ABLIM1: variants seen among roughly 807,000 people sequenced by gnomAD.
ABLIM1 encodes the protein actin binding LIM protein 1, also known as actin-binding LIM protein 1.
Under a neutral mutation model 107.0 loss-of-function variants are expected in ABLIM1, and 40 were observed. The ratio of observed to expected loss-of-function variants is 0.37; its 90% CI spans 0.29 to 0.49. The LOEUF (loss-of-function observed/expected upper bound fraction) is 0.49, where lower values mean the gene tolerates loss of function less well. Ranked by LOEUF, ABLIM1 falls within the 20% of genes least tolerant of loss-of-function variation. The pLI is 0.97. For synonymous variants in ABLIM1, 357 were observed against 357.3 expected, an observed-to-expected ratio of 1.00 and a Z score of 0.01; for missense variants, 857 against 1,008.5, an observed-to-expected ratio of 0.85 and a Z score of 2.04.
At chr10:114,480,045 C>T (rs2078037262) in intron 8 of ABLIM1, among the ~76,000 whole-genome samples, 1 of 152,242 alleles carries the variant, frequency 6.6e-6, no homozygotes, top group Admixed American at 6.5e-5. Flanking sequence ...AACTTACTGA[C>T]ATGCTGTCCC....
rs2062094765 is a variant in ABLIM1, at chr10:114,512,849, AAGGAAAGAAGGAAG to A, written c.895-20985_895-20972del. The stretch of plus-strand genomic sequence containing the variant: ...GATAGAAGGAAGGAAGGAAGGAAGG[AAGGAAAGAAGGAAG>A]GAAGGAAGGAAGGAAGGAAGGAAGG... On this transcript the variant is annotated intron_variant, in intron 6 of 22. Transcript: ENST00000533213. Among the ~76,000 whole-genome samples the A allele has an allele frequency of 3.2e-4, 25 of 77,960 alleles. No individual in the cohort carries two copies. The South Asian group carries it at 6.3e-3, about 20-fold the overall frequency. 51.1% of individuals were successfully genotyped at this position (77,960 alleles called of 152,430 possible). A position where few individuals can be genotyped will look rare whatever the true frequency, so the allele number is the denominator to read the frequency against.
Position 114,475,532 on chromosome 10 carries a change from A to C in ABLIM1, c.1042-1576T>G, listed in dbSNP as rs1360730388. Among the ~76,000 whole-genome samples the C allele has an allele frequency of 2.0e-5, 3 of 152,234 alleles. No individual in the cohort carries two copies. In the East Asian group the frequency reaches 5.8e-4, roughly 29 times the overall value. ...TATACCCAATGCTTTCCACAGGTAC[A>C]CAGAAGGCACAAATCCTAGTTGAGG... is the stretch of plus-strand genomic sequence containing the variant. On this transcript the variant is annotated intron_variant, in intron 8 of 22. Coordinates refer to ENST00000533213, the MANE Select transcript of ABLIM1 (RefSeq NM_002313.7).
intron 11 of ABLIM1, among the ~76,000 whole-genome samples, chr10:114,467,712 A>G (rs1338697867): frequency 6.6e-6 from 1 of 152,250 alleles, no homozygotes; most frequent in African/African-American, 2.4e-5. Flanking sequence ...AAAGTAGTCC[A>G]GTTTCATAAT....
chr10:114,538,127 G>T (rs993456295), intron 6 of ABLIM1, among the ~76,000 whole-genome samples: 8 of 152,136 alleles, frequency 5.3e-5, no homozygotes, highest in East Asian at 1.9e-4. Context: ...GGGGACAAAG[G>T]CCTCCAATTT....
At chr10:114,792,876 G>T in the ABLIM1 span, among the ~76,000 whole-genome samples, 5 of 152,232 alleles carry the variant, frequency 3.3e-5, no homozygotes, top group African/African-American at 9.6e-5. Flanking sequence ...CCCCAGCTGG[G>T]TGCAGTGGCT....
At chr10:114,565,520 G>A (rs1466512193) in intron 4 of ABLIM1, among the ~76,000 whole-genome samples, 1 of 152,160 alleles carries the variant, frequency 6.6e-6, no homozygotes, top group East Asian at 1.9e-4. Flanking sequence ...GGAAGTGGAG[G>A]ATGGGGAAGT....
chr10:114,547,084 C>T (rs1158735221), intron 5 of ABLIM1, among the ~76,000 whole-genome samples: 1 of 151,990 alleles, frequency 6.6e-6, no homozygotes, highest in Non-Finnish European at 1.5e-5. Context: ...AGCCACCACG[C>T]CCAGCAGGAA....
At chr10:114,782,468 G>A in the ABLIM1 span, among the ~76,000 whole-genome samples, 400 of 152,258 alleles carry the variant, frequency 2.6e-3, 6 homozygotes, top group African/African-American at 8.9e-3. Context: ...ACGTGAGATG[G>A]AGGGCAAGCC....
At chr10:114,733,173 G>A (rs538703805) in intron 1 of ABLIM1, among the ~76,000 whole-genome samples, 113 of 152,138 alleles carry the variant, frequency 7.4e-4, no homozygotes, top group Non-Finnish European at 1.6e-3. Flanking sequence ...AAGTTAGAAA[G>A]ATTGGGTGGG....
chr10:114,530,803 G>A (rs2065368791), intron 6 of ABLIM1, among the ~76,000 whole-genome samples: 1 of 152,156 alleles, frequency 6.6e-6, no homozygotes, highest in Admixed American at 6.5e-5. Flanking sequence ...CAAAGTGCTG[G>A]GATTATAGGC....
At chr10:114,743,398 T>C (rs1407847271) in intron 1 of ABLIM1, among the ~76,000 whole-genome samples, 1 of 152,202 alleles carries the variant, frequency 6.6e-6, no homozygotes, top group East Asian at 1.9e-4. Context: ...GAACCACTTG[T>C]ACTTTTTGGA....
At chr10:114,671,212 C>A (rs2080240403) in intron 1 of ABLIM1, among the ~76,000 whole-genome samples, 1 of 152,206 alleles carries the variant, frequency 6.6e-6, no homozygotes, top group Non-Finnish European at 1.5e-5. Context: ...ATGTTTAGCT[C>A]CTTTGGCTCA....
At chr10:114,589,090 A>C (rs1011700085) in intron 2 of ABLIM1, among the ~76,000 whole-genome samples, 1 of 152,210 alleles carries the variant, frequency 6.6e-6, no homozygotes, top group African/African-American at 2.4e-5. Flanking sequence ...TTAACAAAAA[A>C]AGTTCTAAAA....
intron 6 of ABLIM1, among the ~76,000 whole-genome samples, chr10:114,500,912 T>C (rs1158589598): frequency 4.6e-5 from 7 of 151,100 alleles, no homozygotes; most frequent in Non-Finnish European, 1.0e-4. Context: ...AGGTTATAAA[T>C]TCCCTTAAAG....
chr10:114,573,750 G>C (rs1272733015), intron 3 of ABLIM1, among the ~76,000 whole-genome samples: 1 of 152,176 alleles, frequency 6.6e-6, no homozygotes, highest in African/African-American at 2.4e-5. Flanking sequence ...CTCGCATCTA[G>C]TTCACAGCTT....
chr10:114,459,071 C>T (rs1300384707), intron 12 of ABLIM1, among the ~76,000 whole-genome samples: 1 of 152,230 alleles, frequency 6.6e-6, no homozygotes, highest in Non-Finnish European at 1.5e-5. Context: ...TGCAGGCGTC[C>T]TCAGCTCAGT....
At chr10:114,660,921 G>A (rs1374796000), upstream of ABLIM1, among the ~76,000 whole-genome samples, 3 of 152,238 alleles carry the variant, frequency 2.0e-5, no homozygotes, top group Admixed American at 6.5e-5. Context: ...AAAGCTGTTC[G>A]GCTTTCTTGG....
intron 2 of ABLIM1, among the ~76,000 whole-genome samples, chr10:114,593,680 C>A (rs539984110): frequency 1.3e-5 from 2 of 152,266 alleles, no homozygotes; most frequent in African/African-American, 4.8e-5. Context: ...TCTTCCAGGG[C>A]TGTTTGTTGT....
intron 1 of ABLIM1, among the ~76,000 whole-genome samples, chr10:114,631,015 A>C (rs2078141412): frequency 6.6e-6 from 1 of 152,170 alleles, no homozygotes; most frequent in African/African-American, 2.4e-5. Flanking sequence ...ACTGTTAACA[A>C]TTTTATCTCT....
Sources: gnomAD v4.1 joint callset for allele counts (sites outside exome capture counted in the v4.1 genomes callset) on GRCh38, gnomAD v4.1.1 for gene constraint, MANE v1.5 for transcripts, NCBI Gene and HGNC (gene_info 2026-07-23, HGNC 2026-07-21) for gene names.